DOCK6: variants seen among roughly 807,000 people sequenced by gnomAD.
DOCK6 encodes dedicator of cytokinesis 6, also known as dedicator of cytokinesis protein 6.
DOCK6 carries 167 observed loss-of-function variants against 230.3 expected under a neutral mutation model. That is an observed-to-expected ratio of 0.73 (90% CI 0.64 to 0.82). DOCK6 has a LOEUF of 0.82. Among genes scored for constraint, DOCK6 ranks in the 40% least tolerant of loss-of-function variants. DOCK6 has a pLI of 0.00. For missense variants in DOCK6, 2,598 were observed against 2,825.8 expected, an observed-to-expected ratio of 0.92 and a Z score of 1.83; for synonymous variants, 1,148 against 1,185.0, an observed-to-expected ratio of 0.97 and a Z score of 0.64.
Position 11,227,397 on chromosome 19 carries a change from C to A in DOCK6, c.2895G>T (p.Leu965=). 4 of 1,613,794 alleles carry A rather than the reference C, an allele frequency of 2.5e-6. No individual in the cohort carries two copies. The highest frequency in any genetic ancestry group is 3.4e-6 in the Non-Finnish European group (4 of 1,179,858). The stretch of plus-strand genomic sequence containing the variant: ...AGCCCACCAAGGCAGTGATGTCGTC[C>A]AGGAAGCGTCCGGGGAAGCGCAGCT... The part of the protein sequence containing the change: ...PRKLRFPGRF[L]DDITALVGSV... The change falls in exon 24 of 48, where the codon CTG becomes CTT. Residue 965 remains leucine, a synonymous_variant. Transcript: ENST00000294618.
At position 11,227,602 on chromosome 19, in the gene DOCK6, G is replaced by T. The variant is rs941969679; in HGVS notation, c.2815-125C>A. On this transcript the variant is annotated intron_variant, in intron 23 of 47. Coordinates refer to ENST00000294618, the MANE Select transcript of DOCK6 (RefSeq NM_020812.4). ...AAGGACTGTGGGTGGGGCTTGAAGGGCTGTGGGTGGAGGAGGCTTGACAGG... is the reference window on the plus strand; with the variant it reads ...AAGGACTGTGGGTGGGGCTTGAAGGTCTGTGGGTGGAGGAGGCTTGACAGG... The T allele has an allele frequency of 2.6e-6, 3 of 1,161,822 alleles. No individual in the cohort carries two copies. The South Asian group carries it at 4.8e-5, about 19-fold the overall frequency. 72.0% of individuals were successfully genotyped at this position (1,161,822 alleles called of 1,614,324 possible). A position where few individuals can be genotyped will look rare whatever the true frequency, so the allele number is the denominator to read the frequency against.
Position 11,200,407 on chromosome 19 carries a change from C to T in DOCK6, c.6002G>A (p.Arg2001His), listed in dbSNP as rs769851158. 21 of 1,609,852 alleles carry T rather than the reference C, an allele frequency of 1.3e-5. No individual in the cohort carries two copies. In the Admixed American group the frequency reaches 3.4e-4, roughly 26 times the overall value. The part of the protein sequence containing the change: ...LIGPDQKEYH[R>H]ELERNYCRLR... ...GCGGCAGTAGTTGCGCTCCAGCTCA[C>T]GGTGGTACTCCTTCTGGTCCGGCCC... Residue 2001 changes from arginine (R) to histidine (H), a missense_variant, in exon 47 of 48, where the codon CGT (arginine) becomes CAT (histidine). Physicochemically the swap from Arg to His is conservative, Grantham distance 29. Coordinates refer to ENST00000294618, the MANE Select transcript of DOCK6 (RefSeq NM_020812.4). This position sits in a 1 kb window ranked among gnomAD's most constrained non-coding sequence, Gnocchi z 4.3.
At position 11,233,342 on chromosome 19, in the gene DOCK6, G is replaced by A. The variant is rs1388989036; in HGVS notation, c.2579C>T (p.Ala860Val). 2 of 1,613,784 alleles carry A rather than the reference G, an allele frequency of 1.2e-6. No individual in the cohort carries two copies. Among genetic ancestry groups the A allele is most frequent in the Non-Finnish European group, 1.7e-6 (2 of 1,179,790 alleles). ...ACCAGAGCCACGGGCCAGTGTGGCA[G>A]CCTGCACTGTCACTGGAGGGGCCCC... The part of the protein sequence containing the change: ...PDGAPPVTVQ[A>V]ATLARGSGRP... Residue 860 changes from alanine (A) to valine (V), a missense_variant, in exon 22 of 48, where the codon GCT becomes GTT. Ala to Val is a moderately conservative substitution (Grantham distance 64). Coordinates refer to ENST00000294618, the MANE Select transcript of DOCK6 (RefSeq NM_020812.4).
At chr19:11,211,318 C>T (rs553449651) in intron 37 of DOCK6, among the ~76,000 whole-genome samples, 6 of 151,952 alleles carry the variant, frequency 3.9e-5, no homozygotes, top group African/African-American at 1.2e-4. Context: ...CTCCATCACC[C>T]GTCCGCCTCT....
In DOCK6 at chr19:11,252,788, C is replaced by T. The variant is rs1365275222; in HGVS notation, c.303G>A (p.Lys101=). The part of the protein sequence containing the change: ...ECRTTEPGIP[K]DEKLDAQVRA... ...GGGCGTGGGGCTGAACCCACTCATCCTTGGGGATCCCGGGCTCCGTGGTCC... is the reference window on the plus strand; with the variant it reads ...GGGCGTGGGGCTGAACCCACTCATCTTTGGGGATCCCGGGCTCCGTGGTCC... Residue 101 remains lysine, a synonymous_variant, in exon 3 of 48, where the codon AAG becomes AAA. Transcript: ENST00000294618. 4 of 1,610,498 alleles carry T rather than the reference C, an allele frequency of 2.5e-6. No homozygotes were observed. The South Asian group carries it at 3.3e-5, about 13-fold the overall frequency.
At chr19:11,247,949 G>A (rs916595675) in intron 7 of DOCK6, 117 bp downstream of exon 7, 2 of 836,758 alleles carry the variant, frequency 2.4e-6, no homozygotes, top group African/African-American at 3.3e-5. Flanking sequence ...TACATAGGTG[G>A]CCACATAGGT....
At chr19:11,232,718 G>A (rs927124695) in intron 22 of DOCK6, among the ~76,000 whole-genome samples, 2 of 152,066 alleles carry the variant, frequency 1.3e-5, no homozygotes, top group South Asian at 4.1e-4. Flanking sequence ...TGCATGGGGT[G>A]AACACGTATA....
intron 1 of DOCK6, among the ~76,000 whole-genome samples, chr19:11,256,245 G>A (rs75018176): frequency 8.1e-4 from 124 of 152,314 alleles, no homozygotes; most frequent in African/African-American, 2.9e-3. Flanking sequence ...GCACACAGGG[G>A]CTGGGGGATA....
intron 22 of DOCK6, 31 bp downstream of exon 22, chr19:11,233,172 G>A: frequency 1.2e-6 from 2 of 1,607,158 alleles, no homozygotes; most frequent in Non-Finnish European, 1.7e-6. Flanking sequence ...AACCACTGAG[G>A]CTGGAGATTC....
intron 14 of DOCK6, 131 bp from the exon 15 acceptor site, chr19:11,238,435 T>C: frequency 7.7e-6 from 6 of 777,558 alleles, no homozygotes; most frequent in Non-Finnish European, 1.3e-5. Context: ...GGCTGGGGCA[T>C]TGAGGGCCCG....
Position 11,208,958 on chromosome 19 carries a change from G to A in DOCK6, c.4897C>T (p.Leu1633=), listed in dbSNP as rs998165556. The change falls in exon 38 of 48, where the codon CTG becomes TTG. Residue 1633 remains leucine (L), a synonymous_variant. Coordinates refer to ENST00000294618, the MANE Select transcript of DOCK6 (RefSeq NM_020812.4). The stretch of plus-strand genomic sequence containing the variant: ...GGCAGGTGGCGGTGGTCCTCGAGCA[G>A]GGCGAGGTACTCAGCCACGAGGGCG... ...AAALVAEYLA[L]LEDHRHLPVG... The A allele has an allele frequency of 1.9e-6, 3 of 1,604,076 alleles. No individual in the cohort carries two copies. In the African/African-American group the frequency reaches 4.0e-5, roughly 21 times the overall value.
Position 11,201,055 on chromosome 19 carries a change from G to T in DOCK6, c.5689-3C>A, listed in dbSNP as rs768791989. 1 of 1,613,528 alleles carries T rather than the reference G, an allele frequency of 6.2e-7. No individual in the cohort carries two copies. Among genetic ancestry groups the T allele is most frequent in the South Asian group, 1.1e-5 (1 of 91,028 alleles). Reference sequence around the variant, plus strand: ...ACCTCCACTGGCGTCAGCACCGTCTGTGGGGTAAGGGGAGGGGTGTGTACT... The same window carrying T: ...ACCTCCACTGGCGTCAGCACCGTCTTTGGGGTAAGGGGAGGGGTGTGTACT... On this transcript the variant is annotated splice_polypyrimidine_tract_variant and splice_region_variant and intron_variant, in intron 44 of 47. Transcript: ENST00000294618. The surrounding 1 kb of genome is among the most constrained non-coding windows in gnomAD (Gnocchi z 4.3).
chr19:11,204,525 G>A (rs1388112191), intron 39 of DOCK6, among the ~76,000 whole-genome samples, 194 bp from the exon 40 acceptor site: 3 of 151,872 alleles, frequency 2.0e-5, no homozygotes, highest in African/African-American at 7.3e-5. Context: ...GGGCTCCATG[G>A]TCTTCACTGC....
In DOCK6 at chr19:11,204,344, T is replaced by C; in HGVS notation, c.5089-13A>G. 1.2e-6 allele frequency: 2 copies of C among 1,609,672 alleles called. No individual in the cohort carries two copies. The highest frequency in any genetic ancestry group is 1.7e-6 in the Non-Finnish European group (2 of 1,177,432). The stretch of plus-strand genomic sequence containing the variant: ...CGTAGAGCCCGCCCTGAGGGTGAGG[T>C]GGGGTCAGGATTCCCCAAACTGTCT... On this transcript the variant is annotated splice_polypyrimidine_tract_variant and intron_variant, in intron 39 of 47. Coordinates refer to ENST00000294618, the MANE Select transcript of DOCK6 (RefSeq NM_020812.4).
rs909852024 is a variant in DOCK6 at position 11,243,445 on chromosome 19, G to A, written c.1259-60C>T. 2 of 1,571,446 alleles carry A rather than the reference G, an allele frequency of 1.3e-6. No homozygotes were observed. The highest frequency in any genetic ancestry group is 1.7e-6 in the Non-Finnish European group (2 of 1,160,576). ...CAAGATGAAACAGGGAGACTCAGGGGCGGCACAGTTCGGCCAGCAGAGGGC... is the reference window on the plus strand; with the variant it reads ...CAAGATGAAACAGGGAGACTCAGGGACGGCACAGTTCGGCCAGCAGAGGGC... On this transcript the variant is annotated intron_variant, in intron 11 of 47. Transcript: ENST00000294618. The surrounding 1 kb of genome is among the most constrained non-coding windows in gnomAD (Gnocchi z 6.3).
chr19:11,227,350 G>T lies in DOCK6; in HGVS notation c.2942C>A (p.Thr981Asn), dbSNP rs75520001. 19 of 1,613,880 alleles carry T rather than the reference G, an allele frequency of 1.2e-5. No individual in the cohort carries two copies. The highest frequency in any genetic ancestry group is 1.6e-5 in the Non-Finnish European group (19 of 1,179,882). Reference protein sequence around the residue: ...LVGSVGLEVITRVHKDVELAE... With the variant: ...LVGSVGLEVINRVHKDVELAE... ...TGCATCTCTCACCTTGTGGACACGG[G>T]TGATGACCTCCAGGCCCACAGAGCC... Residue 981 changes from threonine to asparagine, a missense_variant, in exon 24 of 48, where the codon ACC becomes AAC. Thr to Asn is a moderately conservative substitution (Grantham distance 65). Transcript: ENST00000294618.
Position 11,212,141 on chromosome 19 carries a change from C to T in DOCK6, c.4502G>A (p.Arg1501His), listed in dbSNP as rs1568675955. Residue 1501 changes from arginine (R) to histidine (H), a missense_variant, in exon 36 of 48, where the codon CGT becomes CAT. Arg to His is a conservative substitution (Grantham distance 29). Coordinates refer to ENST00000294618, the MANE Select transcript of DOCK6 (RefSeq NM_020812.4). Reference protein sequence around the residue: ...QNFEIGHNFARVKMQVTMSLS... With the variant: ...QNFEIGHNFAHVKMQVTMSLS... ...AGACATGGTGACCTGCATCTTCACA[C>T]GGGCAAAGTTCTGCAGGGACAGGGG... is the stretch of plus-strand genomic sequence containing the variant. The T allele has an allele frequency of 2.5e-6, 4 of 1,603,214 alleles. No individual in the cohort carries two copies. Among genetic ancestry groups the T allele is most frequent in the South Asian group, 2.2e-5 (2 of 90,866 alleles).
chr19:11,252,449 G>T (rs767977161), intron 4 of DOCK6, 33 bp downstream of exon 4: 4 of 1,612,602 alleles, frequency 2.5e-6, no homozygotes, highest in Non-Finnish European at 2.5e-6. Context: ...TTTGGGTTCC[G>T]AACCCCCTGA....
Position 11,236,257 on chromosome 19 carries a change from T to G in DOCK6, c.2392+89A>C, listed in dbSNP as rs1599255795. On this transcript the variant is annotated intron_variant, in intron 20 of 47. Coordinates refer to ENST00000294618, the MANE Select transcript of DOCK6 (RefSeq NM_020812.4). The surrounding 1 kb of genome is among the most constrained non-coding windows in gnomAD (Gnocchi z 5.2). ...CAGATGAGAAAAATGGCCAGAGAGG[T>G]AAATGGGCTTATAGAAGATCCCTCA... The G allele has an allele frequency of 8.0e-7, 1 of 1,243,784 alleles. No individual in the cohort carries two copies. Among genetic ancestry groups the G allele is most frequent in the East Asian group, 2.6e-5 (1 of 38,844 alleles). The allele number at this position is 1,243,784 out of a possible 1,614,324, so 77.0% of individuals were successfully genotyped here. A position where few individuals can be genotyped will look rare whatever the true frequency, so the allele number is the denominator to read the frequency against.
Sources: allele counts gnomAD v4.1 joint callset (sites outside exome capture counted in the v4.1 genomes callset), GRCh38; gene constraint gnomAD v4.1.1; non-coding constraint Gnocchi (gnomAD v3.1); transcripts MANE v1.5; gene names NCBI Gene and HGNC (gene_info 2026-07-23, HGNC 2026-07-21).